COL25A1: variants seen among roughly 807,000 people sequenced by gnomAD.
The protein encoded by COL25A1 is collagen type XXV alpha 1 chain.
A neutral mutation model predicts 128.4 loss-of-function variants in COL25A1; 103 were observed. That is an observed-to-expected ratio of 0.80 (90% confidence interval 0.68 to 0.94). The LOEUF is 0.94. Ranked by LOEUF, COL25A1 falls within the 40% of genes least tolerant of loss-of-function variation. The pLI is 0.00. For missense variants in COL25A1, 745 were observed against 840.0 expected (o/e 0.89, Z 1.40); for synonymous variants, 279 against 277.2 (o/e 1.01, Z -0.06).
At chr4:109,262,812 A>G (rs1781540334) in intron 3 of COL25A1, among the ~76,000 whole-genome samples, 1 of 152,134 alleles carries the variant, frequency 6.6e-6, no homozygotes, top group Non-Finnish European at 1.5e-5. Context: ...ATTAGAGAAA[A>G]TAAGTTTCTG....
At chr4:109,019,751 C>T (rs3096501) in intron 5 of COL25A1, among the ~76,000 whole-genome samples, 77,059 of 151,678 alleles carry the variant, frequency 0.51, 22,248 homozygotes, top group African/African-American at 0.78. Flanking sequence ...GGTGGGGATA[C>T]AGAGCCAAAC....
intron 6 of COL25A1, among the ~76,000 whole-genome samples, chr4:109,004,431 G>A (rs116008840): frequency 0.012 from 1,828 of 151,554 alleles, 38 homozygotes; most frequent in African/African-American, 0.041. Flanking sequence ...CTAAGGAGGA[G>A]TTTTGCACTG....
intron 3 of COL25A1, among the ~76,000 whole-genome samples, chr4:109,227,697 G>C (rs1371439600): frequency 2.0e-5 from 3 of 152,096 alleles, no homozygotes; most frequent in African/African-American, 7.2e-5. Context: ...CTTCCACTGT[G>C]TTATAAGGAA....
At chr4:108,884,729 G>A (rs772707375) in intron 18 of COL25A1, among the ~76,000 whole-genome samples, 3 of 152,122 alleles carry the variant, frequency 2.0e-5, no homozygotes, top group Non-Finnish European at 2.9e-5. Flanking sequence ...TTTCATTCCT[G>A]AATGATGAGA....
At chr4:109,187,200 T>TAC (rs36159924) in intron 3 of COL25A1, among the ~76,000 whole-genome samples, 3,559 of 147,892 alleles carry the variant, frequency 0.024, 73 homozygotes, top group African/African-American at 0.061. Flanking sequence ...TCTTGCTCTC[T>TAC]ACACACACAC....
chr4:109,184,126 G>A (rs1278215367), intron 3 of COL25A1, among the ~76,000 whole-genome samples: 1 of 152,120 alleles, frequency 6.6e-6, no homozygotes, highest in Admixed American at 6.6e-5. Context: ...GACTGAGCAA[G>A]GATATGGCTT....
intron 3 of COL25A1, among the ~76,000 whole-genome samples, chr4:109,125,274 T>G (rs1768486585): frequency 6.6e-6 from 1 of 152,062 alleles, no homozygotes; most frequent in South Asian, 2.1e-4. Context: ...GACAAGGACT[T>G]TTTGGAAGGC....
At chr4:109,296,742 G>A (rs187024952) in intron 3 of COL25A1, among the ~76,000 whole-genome samples, 35 of 152,094 alleles carry the variant, frequency 2.3e-4, no homozygotes, top group Admixed American at 7.9e-4. Context: ...CACATTCTTC[G>A]TTCATTACAC....
chr4:109,249,125 C>T (rs1222195124), intron 3 of COL25A1, among the ~76,000 whole-genome samples: 6 of 152,192 alleles, frequency 3.9e-5, no homozygotes, highest in Admixed American at 3.9e-4. Flanking sequence ...AAAAGTCCAG[C>T]TCAAATACCA....
intron 3 of COL25A1, among the ~76,000 whole-genome samples, chr4:109,202,211 A>G (rs1298053432): frequency 6.6e-6 from 1 of 152,180 alleles, no homozygotes; most frequent in South Asian, 2.1e-4. Context: ...CCCGACTTCA[A>G]AACTTACTAT....
intron 11 of COL25A1, among the ~76,000 whole-genome samples, chr4:108,922,575 C>T (rs1288356198): frequency 1.3e-5 from 2 of 152,004 alleles, no homozygotes; most frequent in African/African-American, 2.4e-5. Context: ...TTTTAATTAG[C>T]GAATAACATA....
chr4:108,999,822 T>C (rs1000563444), intron 6 of COL25A1, among the ~76,000 whole-genome samples: 2 of 152,178 alleles, frequency 1.3e-5, no homozygotes, highest in African/African-American at 2.4e-5. Context: ...TGCAGGCACA[T>C]GGATGAAGCT....
chr4:108,862,589 AGAGAT>A (rs1400786961), intron 21 of COL25A1, 44 bp from the exon 22 acceptor site: 2 of 1,523,690 alleles, frequency 1.3e-6, no homozygotes, highest in Non-Finnish European at 1.8e-6. Flanking sequence ...AAATTATAGA[AGAGAT>A]AAGAACAGAA....
At chr4:109,032,587 C>A (rs115620100) in intron 5 of COL25A1, among the ~76,000 whole-genome samples, 1 of 152,200 alleles carries the variant, frequency 6.6e-6, no homozygotes, top group Non-Finnish European at 1.5e-5. Flanking sequence ...AAATCAACCA[C>A]CTTAATTTAT....
intron 11 of COL25A1, among the ~76,000 whole-genome samples, chr4:108,921,642 G>T (rs781710667): frequency 2.0e-4 from 31 of 152,140 alleles, no homozygotes; most frequent in Non-Finnish European, 4.1e-4. Context: ...ACCTGCTCAT[G>T]CATCCTTTTT....
At chr4:109,087,281 G>A (rs1313057482) in intron 3 of COL25A1, among the ~76,000 whole-genome samples, 1 of 152,030 alleles carries the variant, frequency 6.6e-6, no homozygotes, top group African/African-American at 2.4e-5. Flanking sequence ...CTCTTTGAGG[G>A]AAGCAGCACG....
intron 3 of COL25A1, among the ~76,000 whole-genome samples, chr4:109,235,347 A>G (rs72672611): frequency 2.0e-5 from 3 of 152,234 alleles, no homozygotes; most frequent in Admixed American, 6.6e-5. Context: ...AAAACCTCCA[A>G]TATATTCCTG....
In COL25A1 at chr4:109,127,361, TTGCAACAGTA is replaced by T. The variant is rs201202264; in HGVS notation, c.368-77192_368-77183del. On this transcript the variant is annotated intron_variant, in intron 3 of 37. Coordinates refer to ENST00000399132, the MANE Select transcript of COL25A1 (RefSeq NM_198721.4). Reference sequence around the variant, plus strand: ...TTATCAATGTATAAGTAAATTCTAGTTGCAACAGTATGCAACAGTATGCCAAAGTAGAAAA... The same window carrying T: ...TTATCAATGTATAAGTAAATTCTAGTTGCAACAGTATGCCAAAGTAGAAAA... Among the ~76,000 whole-genome samples the T allele has an allele frequency of 8.1e-3, 1,232 of 152,286 alleles. 11 individuals carry two copies. Among genetic ancestry groups the T allele is most frequent in the Non-Finnish European group, 0.013 (897 of 68,026 alleles).
rs748230760 is a variant in COL25A1, at chr4:108,846,202, C to T, written c.1452G>A (p.Lys484=). The change falls in exon 28 of 38, where the codon AAG becomes AAA. Residue 484 remains lysine (K), a synonymous_variant. Coordinates refer to ENST00000399132, the MANE Select transcript of COL25A1 (RefSeq NM_198721.4). ...TCATACCTGGGTCCCCCATGTCTCC[C>T]TTTGAGCCTTTGAGTCCCTAAAAAT... ...MDGEQGLKGS[K]GDMGDPGMTG... The T allele has an allele frequency of 1.2e-6, 2 of 1,611,358 alleles. No individual in the cohort carries two copies. Among genetic ancestry groups the T allele is most frequent in the Non-Finnish European group, 1.7e-6 (2 of 1,177,534 alleles).
Sources: allele counts gnomAD v4.1 joint callset (sites outside exome capture counted in the v4.1 genomes callset), GRCh38; gene constraint gnomAD v4.1.1; transcripts MANE v1.5; gene names NCBI Gene and HGNC (gene_info 2026-07-23, HGNC 2026-07-21).